SIDT1: variants seen among roughly 807,000 people sequenced by gnomAD.
SIDT1 encodes the protein SID1 transmembrane family, member 1.
In SIDT1, 101 loss-of-function variants were observed where a neutral mutation model predicts 107.5. The ratio of observed to expected loss-of-function variants is 0.94; its 90% CI spans 0.80 to 1.11. The LOEUF is 1.11. Among genes scored for constraint, SIDT1 ranks in the 50% least tolerant of loss-of-function variants. SIDT1 has a pLI of 0.00. For synonymous variants in SIDT1, 395 were observed against 398.2 expected, an observed-to-expected ratio of 0.99 and a Z score of 0.10; for missense variants, 1,076 against 1,058.2, an observed-to-expected ratio of 1.02 and a Z score of -0.23.
chr3:113,552,038 T>G (rs542842070), intron 1 of SIDT1, among the ~76,000 whole-genome samples: 16 of 152,278 alleles, frequency 1.1e-4, no homozygotes, highest in Non-Finnish European at 2.2e-4. Context: ...ACTAACCGAC[T>G]GTTTCTGTCC....
rs575639246 is a variant in SIDT1, at chr3:113,581,200, CTA to C, written c.664-159_664-158del. On this transcript the variant is annotated intron_variant, in intron 5 of 24. Coordinates refer to ENST00000264852, the MANE Select transcript of SIDT1 (RefSeq NM_017699.3). ...GACGAGGCCCCAAGTCTTAGGAAGACTATGTCATGACTGTTCAAGGGGGGAAA... is the reference window on the plus strand; with the variant it reads ...GACGAGGCCCCAAGTCTTAGGAAGACTGTCATGACTGTTCAAGGGGGGAAA... Among the ~76,000 whole-genome samples the C allele has an allele frequency of 1.4e-3, 212 of 152,178 alleles. 1 individual carries two copies. Among genetic ancestry groups the C allele is most frequent in the African/African-American group, 5.1e-3 (211 of 41,524 alleles).
At chr3:113,592,806 T>C (rs1044524048) in intron 9 of SIDT1, 199 bp from the exon 10 acceptor site, 1 of 534,488 alleles carries the variant, frequency 1.9e-6, no homozygotes, top group African/African-American at 1.9e-5. Flanking sequence ...CAGGCTGGTC[T>C]TGAACTCCTG....
Position 113,555,393 on chromosome 3 carries a change from C to A in SIDT1, c.223-11027C>A, listed in dbSNP as rs184840462. On this transcript the variant is annotated intron_variant, in intron 1 of 24. Transcript: ENST00000264852. ...GTCTACACTGCTGATTAATGTATCT[C>A]CTGTGTCCAGAACAATGCCTCTTAC... 7.7e-4 allele frequency among the ~76,000 whole-genome samples: 118 copies of A among 152,284 alleles called. 1 individual carries two copies. Among genetic ancestry groups the A allele is most frequent in the Non-Finnish European group, 2.4e-4 (16 of 68,024 alleles).
chr3:113,569,624 G>A (rs1017640437), intron 3 of SIDT1, among the ~76,000 whole-genome samples: 3 of 152,184 alleles, frequency 2.0e-5, no homozygotes, highest in African/African-American at 7.2e-5. Flanking sequence ...CAGAAGGATG[G>A]AGAAGGAGTC....
At chr3:113,537,740 G>T (rs2107570796) in intron 1 of SIDT1, among the ~76,000 whole-genome samples, 1 of 152,318 alleles carries the variant, frequency 6.6e-6, no homozygotes, top group East Asian at 1.9e-4. Context: ...TCCTCACGTG[G>T]CCAAGAGAGC....
intron 19 of SIDT1, among the ~76,000 whole-genome samples, chr3:113,615,708 A>G (rs1018281706): frequency 2.0e-5 from 3 of 152,196 alleles, no homozygotes; most frequent in African/African-American, 7.2e-5. Context: ...CCCATCCTCT[A>G]GAGAGAGCAT....
chr3:113,569,439 A>C (rs1013365222), intron 3 of SIDT1, among the ~76,000 whole-genome samples: 2 of 152,180 alleles, frequency 1.3e-5, no homozygotes, highest in East Asian at 3.8e-4. Flanking sequence ...TATTTTTCTG[A>C]TCAGAAAGTT....
intron 18 of SIDT1, among the ~76,000 whole-genome samples, chr3:113,611,423 C>T (rs553097929): frequency 6.6e-6 from 1 of 152,294 alleles, no homozygotes; most frequent in African/African-American, 2.4e-5. Flanking sequence ...CCTCCACCTC[C>T]CGGGTTCAAG....
At chr3:113,602,919 A>G (rs1488237565) in intron 11 of SIDT1, 86 bp from the exon 12 acceptor site, 10 of 1,419,728 alleles carry the variant, frequency 7.0e-6, no homozygotes, top group Non-Finnish European at 9.7e-6. Flanking sequence ...TCCTAGAATG[A>G]GTCTGCACTG....
intron 1 of SIDT1, among the ~76,000 whole-genome samples, chr3:113,561,743 A>G (rs936625315): frequency 2.0e-5 from 3 of 152,214 alleles, no homozygotes; most frequent in African/African-American, 7.2e-5. Context: ...CAAGTCAGAA[A>G]CGCTGGGGGT....
intron 9 of SIDT1, among the ~76,000 whole-genome samples, chr3:113,591,952 T>C (rs1252604843): frequency 1.3e-5 from 2 of 152,244 alleles, no homozygotes; most frequent in East Asian, 1.9e-4. Context: ...TGGAATATTA[T>C]TCAGCCATAA....
Position 113,628,783 on chromosome 3 carries a change from G to A in SIDT1, c.*1075G>A, listed in dbSNP as rs952572378. 3.3e-5 allele frequency: 5 copies of A among 152,258 alleles called. No individual in the cohort carries two copies. Among genetic ancestry groups the A allele is most frequent in the African/African-American group, 1.2e-4 (5 of 41,440 alleles). The allele number at this position is 152,258 out of a possible 1,614,324, so 9.4% of individuals were successfully genotyped here. A position where few individuals can be genotyped will look rare whatever the true frequency, so the allele number is the denominator to read the frequency against. Reference sequence around the variant, plus strand: ...TCACTTTATGTAGATCAGGGTTCTAGACTTCTTCCCTGAGGTTCTCAGAAG... The same window carrying A: ...TCACTTTATGTAGATCAGGGTTCTAAACTTCTTCCCTGAGGTTCTCAGAAG... On this transcript the variant is annotated 3_prime_UTR_variant, in exon 25 of 25. Coordinates refer to ENST00000264852, the MANE Select transcript of SIDT1 (RefSeq NM_017699.3).
intron 1 of SIDT1, among the ~76,000 whole-genome samples, chr3:113,541,032 G>T (rs1340949789): frequency 6.6e-6 from 1 of 151,874 alleles, no homozygotes; most frequent in Non-Finnish European, 1.5e-5. Context: ...TTTTTGGTAA[G>T]TTGTATTTGC....
intron 10 of SIDT1, among the ~76,000 whole-genome samples, chr3:113,594,379 T>C (rs1358074711): frequency 1.3e-5 from 2 of 152,226 alleles, no homozygotes; most frequent in Non-Finnish European, 2.9e-5. Context: ...GTCTGCTCTC[T>C]GGATGTCATC....
At chr3:113,551,823 G>C (rs1463515139) in intron 1 of SIDT1, among the ~76,000 whole-genome samples, 1 of 134,920 alleles carries the variant, frequency 7.4e-6, no homozygotes, top group Non-Finnish European at 1.6e-5. Flanking sequence ...AAAGTTTTAG[G>C]GGTGTGTGTG....
At chr3:113,606,814 G>C (rs1945364974) in intron 14 of SIDT1, 1 of 454,158 alleles carries the variant, frequency 2.2e-6, no homozygotes, top group African/African-American at 1.9e-5. Flanking sequence ...TGCATAAGAG[G>C]GTACACAGAA....
chr3:113,564,040 C>T (rs1941685435), intron 1 of SIDT1, among the ~76,000 whole-genome samples: 1 of 152,158 alleles, frequency 6.6e-6, no homozygotes, highest in South Asian at 2.1e-4. Context: ...CCTCTGCCTC[C>T]TGGGTTCAAG....
At chr3:113,539,507 T>C (rs1938562945) in intron 1 of SIDT1, among the ~76,000 whole-genome samples, 2 of 144,652 alleles carry the variant, frequency 1.4e-5, no homozygotes, top group African/African-American at 5.6e-5. Flanking sequence ...TAAGAATGGA[T>C]TGGTAACATT....
rs772919117 is a variant in SIDT1, at chr3:113,604,947, G to C, written c.1375G>C (p.Val459Leu). The C allele has an allele frequency of 1.2e-6, 2 of 1,613,942 alleles. No individual in the cohort carries two copies. Among genetic ancestry groups the C allele is most frequent in the Non-Finnish European group, 1.7e-6 (2 of 1,180,002 alleles). ...ITIAVFYALPVIQLVITYQTV... is the reference protein window; with the variant it reads ...ITIAVFYALPLIQLVITYQTV... ...CATTGCTGTGTTTTACGCGCTGCCC[G>C]TGATCCAGCTGGTCATTACCTATCA... is the stretch of plus-strand genomic sequence containing the variant. The change falls in exon 14 of 25, where the codon GTG (valine) becomes CTG (leucine). Residue 459 changes from valine to leucine, a missense_variant. Coordinates refer to ENST00000264852, the MANE Select transcript of SIDT1 (RefSeq NM_017699.3).
Sources: allele counts gnomAD v4.1 joint callset (sites outside exome capture counted in the v4.1 genomes callset), GRCh38; gene constraint gnomAD v4.1.1; transcripts MANE v1.5; gene names NCBI Gene and HGNC (gene_info 2026-07-23, HGNC 2026-07-21).